The following PXN variants were observed in gnomAD, a reference collection of about 807,000 sequenced individuals.
PXN encodes testicular tissue protein Li 134.
A neutral mutation model predicts 103.6 loss-of-function variants in PXN; 61 were observed. The observed-to-expected ratio is 0.59, with a 90% CI of 0.48 to 0.73. The LOEUF (loss-of-function observed/expected upper bound fraction) is 0.73, where lower values mean the gene tolerates loss of function less well. Among genes scored for constraint, PXN ranks in the 30% least tolerant of loss-of-function variants. PXN has a pLI of 0.00. For synonymous variants in PXN, 562 were observed against 607.8 expected (o/e 0.92, Z 1.11); for missense variants, 1,274 against 1,460.3 (o/e 0.87, Z 2.08).
Position 120,210,869 on chromosome 12 carries a change from C to G in PXN, c.*1445G>C, listed in dbSNP as rs1880009369. 6.6e-6 allele frequency: 1 copy of G among 152,626 alleles called. No homozygotes were observed. The highest frequency in any genetic ancestry group is 1.5e-5 in the Non-Finnish European group (1 of 68,080). 9.5% of individuals were successfully genotyped at this position (152,626 alleles called of 1,614,324 possible). A position where few individuals can be genotyped will look rare whatever the true frequency, so the allele number is the denominator to read the frequency against. ...TGGTAAAGAGCTCTGGGGGGTTTCC[C>G]CAGAGGAGCCTGTCCCTCTGCCCCA... is the stretch of plus-strand genomic sequence containing the variant. On this transcript the variant is annotated 3_prime_UTR_variant, in exon 15 of 15. Coordinates refer to ENST00000637617, the MANE Select transcript of PXN (RefSeq NM_001385981.1).
rs1251118314 is a variant in PXN, at chr12:120,216,679, CTCTGCACCAA to C, written c.1993-108_1993-99del. On this transcript the variant is annotated intron_variant, in intron 8 of 14. Transcript: ENST00000637617. The surrounding 1 kb of genome is among the most constrained non-coding windows in gnomAD (Gnocchi z 5.1). The stretch of plus-strand genomic sequence containing the variant: ...CCCAGGCTCCCCCTGGGCCTTCCCA[CTCTGCACCAA>C]GAGTGGGGCCAGTCTTCCAAAGTCA... 2 of 1,587,660 alleles carry C rather than the reference CTCTGCACCAA, an allele frequency of 1.3e-6. No individual in the cohort carries two copies.
rs1886392008 is a variant in PXN at position 120,224,843 on chromosome 12, T to C, written c.14-466A>G. 3 of 421,192 alleles carry C rather than the reference T, an allele frequency of 7.1e-6. No individual in the cohort carries two copies. The highest frequency in any genetic ancestry group is 4.8e-6 in the Non-Finnish European group (1 of 206,748). 26.1% of individuals were successfully genotyped at this position (421,192 alleles called of 1,614,324 possible). A position where few individuals can be genotyped will look rare whatever the true frequency, so the allele number is the denominator to read the frequency against. ...AGCTTAGGCTTTCCCAGCCCCCGAC[T>C]GGAAGGGGCACTCAGGATGGTCCCT... On this transcript the variant is annotated intron_variant, in intron 1 of 14. Transcript: ENST00000637617. The surrounding 1 kb of genome is among the most constrained non-coding windows in gnomAD (Gnocchi z 5.0).
chr12:120,255,024 A>C (rs1892779731), intron 1 of PXN, among the ~76,000 whole-genome samples: 1 of 152,124 alleles, frequency 6.6e-6, no homozygotes, highest in Non-Finnish European at 1.5e-5. Context: ...GGAGTAGATG[A>C]GAAGGGAGAG....
chr12:120,265,713 C>G lies in PXN; in HGVS notation c.-84G>C. The G allele has an allele frequency of 1.6e-6, 2 of 1,224,520 alleles. No individual in the cohort carries two copies. The highest frequency in any genetic ancestry group is 2.1e-6 in the Non-Finnish European group (2 of 972,960). 75.9% of individuals were successfully genotyped at this position (1,224,520 alleles called of 1,614,324 possible). ...TCTATGCCCCGCAACTTTTCCGCCG[C>G]GAGCCTCGGCCCGGAACGGAACGCG... On this transcript the variant is annotated 5_prime_UTR_variant, in exon 1 of 15. Transcript: ENST00000637617. This position sits in a 1 kb window ranked among gnomAD's most constrained non-coding sequence, Gnocchi z 5.7.
At chr12:120,234,798 A>G (rs1347920827) in intron 1 of PXN, among the ~76,000 whole-genome samples, 1 of 152,198 alleles carries the variant, frequency 6.6e-6, no homozygotes, top group Non-Finnish European at 1.5e-5. Context: ...GGGATAAAAT[A>G]AACGTAAGCC....
chr12:120,216,855 GC>G lies in PXN; in HGVS notation c.1977del (p.Gln660SerfsTer3). 7 of 1,509,150 alleles carry G rather than the reference GC, an allele frequency of 4.6e-6. No individual in the cohort carries two copies. Among genetic ancestry groups the G allele is most frequent in the African/African-American group, 1.4e-5 (1 of 71,078 alleles). 93.5% of individuals were successfully genotyped at this position (1,509,150 alleles called of 1,614,324 possible). A position where few individuals can be genotyped will look rare whatever the true frequency, so the allele number is the denominator to read the frequency against. On this transcript the variant is annotated frameshift_variant, in exon 8 of 15. Coordinates refer to ENST00000637617, the MANE Select transcript of PXN (RefSeq NM_001385981.1). LOFTEE classifies it high-confidence loss of function. This position sits in a 1 kb window ranked among gnomAD's most constrained non-coding sequence, Gnocchi z 5.1. ...TVQPRGKRAG[G>X]QLVEKVVFPP... ...CTCCTCGCCACCTTCTCTACGAGCTGCCCCCCGGCCCGCTTCCCACGTGGCT... is the reference window on the plus strand; with the variant it reads ...CTCCTCGCCACCTTCTCTACGAGCTGCCCCCGGCCCGCTTCCCACGTGGCT...
intron 1 of PXN, among the ~76,000 whole-genome samples, chr12:120,257,964 G>A (rs376720555): frequency 6.6e-6 from 1 of 152,218 alleles, no homozygotes; most frequent in African/African-American, 2.4e-5. Context: ...AGGCCAAGGC[G>A]GGCGGATCAC....
chr12:120,223,888 GC>G (rs1886028413), intron 2 of PXN, 55 bp from the exon 3 acceptor site: 2 of 1,334,174 alleles, frequency 1.5e-6, no homozygotes, highest in Non-Finnish European at 2.1e-6. Flanking sequence ...AGGAACAGGG[GC>G]CAGGAGCAGC....
chr12:120,224,045 G>A lies in PXN; in HGVS notation c.240+106C>T, dbSNP rs1346053609. On this transcript the variant is annotated intron_variant, in intron 2 of 14. Coordinates refer to ENST00000637617, the MANE Select transcript of PXN (RefSeq NM_001385981.1). This position sits in a 1 kb window ranked among gnomAD's most constrained non-coding sequence, Gnocchi z 5.0. ...GAGCAGTGTCTGGTTGGGAAGGGTC[G>A]ACTGCCCCAATTCCATTCCATCCCC... 1 of 959,244 alleles carries A rather than the reference G, an allele frequency of 1.0e-6. No homozygotes were observed. Among genetic ancestry groups the A allele is most frequent in the Non-Finnish European group, 1.5e-6 (1 of 650,888 alleles). The allele number at this position is 959,244 out of a possible 1,614,324, so 59.4% of individuals were successfully genotyped here.
chr12:120,230,189 C>T (rs546952359), intron 1 of PXN, among the ~76,000 whole-genome samples: 2 of 152,340 alleles, frequency 1.3e-5, no homozygotes, highest in South Asian at 2.1e-4. Context: ...CAGCAAGCAC[C>T]GCCCTGAAAG....
At position 120,216,956 on chromosome 12, in the gene PXN, T is replaced by C; in HGVS notation, c.1877A>G (p.Glu626Gly). The change falls in exon 8 of 15, where the codon GAG (glutamate) becomes GGG (glycine). Residue 626 changes from glutamate to glycine, a missense_variant. Transcript: ENST00000637617. This position sits in a 1 kb window ranked among gnomAD's most constrained non-coding sequence, Gnocchi z 5.1. ...CGCCGCCTCCGCCGGCTCCTCTGCCTCAGGCTGGATGCCCAGCCGCCCCTG... is the reference window on the plus strand; with the variant it reads ...CGCCGCCTCCGCCGGCTCCTCTGCCCCAGGCTGGATGCCCAGCCGCCCCTG... The part of the protein sequence containing the change: ...ELQGRLGIQP[E>G]AEEPAEAAGP... 6.5e-7 allele frequency: 1 copy of C among 1,536,644 alleles called. No homozygotes were observed. The highest frequency in any genetic ancestry group is 8.7e-7 in the Non-Finnish European group (1 of 1,147,222).
chr12:120,226,158 G>C (rs1423148226), intron 1 of PXN: 1 of 1,200,562 alleles, frequency 8.3e-7, no homozygotes, highest in African/African-American at 1.6e-5. Context: ...CACACCTGCT[G>C]TCTTGGCTTC....
Position 120,214,710 on chromosome 12 carries a change from T to G in PXN, c.2748+115A>C. 7.3e-6 allele frequency: 10 copies of G among 1,367,664 alleles called. No homozygotes were observed. Among genetic ancestry groups the G allele is most frequent in the Non-Finnish European group, 9.1e-6 (9 of 990,448 alleles). The allele number at this position is 1,367,664 out of a possible 1,614,324, so 84.7% of individuals were successfully genotyped here. On this transcript the variant is annotated intron_variant, in intron 12 of 14. Transcript: ENST00000637617. This position sits in a 1 kb window ranked among gnomAD's most constrained non-coding sequence, Gnocchi z 5.0. The stretch of plus-strand genomic sequence containing the variant: ...CCGGCCCCACTGTTCCCTAGCCCTG[T>G]GAGCCTCGGGCATGTGACCTCTCTG...
Position 120,214,312 on chromosome 12 carries a change from C to A in PXN, c.2749-95G>T, listed in dbSNP as rs1322516429. Reference sequence around the variant, plus strand: ...CCGTCCTTCCACCCGCAGCTCATAGCCATAGACAGAGCAAAACACTCCCAA... The same window carrying A: ...CCGTCCTTCCACCCGCAGCTCATAGACATAGACAGAGCAAAACACTCCCAA... On this transcript the variant is annotated intron_variant, in intron 12 of 14. Transcript: ENST00000637617. This position sits in a 1 kb window ranked among gnomAD's most constrained non-coding sequence, Gnocchi z 5.0. The A allele has an allele frequency of 1.0e-5, 11 of 1,102,784 alleles. No homozygotes were observed. The Middle Eastern group carries it at 1.2e-3, about 120-fold the overall frequency. 68.3% of individuals were successfully genotyped at this position (1,102,784 alleles called of 1,614,324 possible).
At chr12:120,262,386 AACTATCAATT>A (rs1894011154) in intron 1 of PXN, among the ~76,000 whole-genome samples, 1 of 152,192 alleles carries the variant, frequency 6.6e-6, no homozygotes, top group Non-Finnish European at 1.5e-5. Context: ...TGTTAAAGGT[AACTATCAATT>A]ACTCAGCAGG....
intron 1 of PXN, among the ~76,000 whole-genome samples, chr12:120,252,929 C>T (rs1218378218): frequency 7.1e-6 from 1 of 140,668 alleles, no homozygotes; most frequent in Non-Finnish European, 1.5e-5. Context: ...ACCCAGGAGG[C>T]GGAGGTTGCA....
rs1033351105 is a variant in PXN at position 120,214,058 on chromosome 12, A to G, written c.2831-68T>C. The G allele has an allele frequency of 3.8e-6, 6 of 1,581,480 alleles. No individual in the cohort carries two copies. The highest frequency in any genetic ancestry group is 3.6e-5 in the Admixed American group (2 of 55,042). On this transcript the variant is annotated intron_variant, in intron 13 of 14. Transcript: ENST00000637617. The surrounding 1 kb of genome is among the most constrained non-coding windows in gnomAD (Gnocchi z 5.0). ...CAGAAGTGGAGCCACTCTGACTCCA[A>G]CCTCAGCAGCGTCTCCCACCCCCAC...
rs924962171 is a variant in PXN, at chr12:120,212,159, A to G, written c.*155T>C. The G allele has an allele frequency of 2.1e-5, 23 of 1,120,754 alleles. No homozygotes were observed. The African/African-American group carries it at 3.1e-4, about 15-fold the overall frequency. The allele number at this position is 1,120,754 out of a possible 1,614,324, so 69.4% of individuals were successfully genotyped here. ...GGCAGGGGTGAAGACAAGCAGGGGG[A>G]CCCCTCACGGCCCTCTGTCCATCCC... On this transcript the variant is annotated 3_prime_UTR_variant, in exon 15 of 15. Transcript: ENST00000637617. This position sits in a 1 kb window ranked among gnomAD's most constrained non-coding sequence, Gnocchi z 7.2.
chr12:120,261,354 C>A (rs1039074095), intron 1 of PXN, among the ~76,000 whole-genome samples: 4 of 152,112 alleles, frequency 2.6e-5, no homozygotes, highest in Non-Finnish European at 5.9e-5. Context: ...CCACGCCCAG[C>A]TAATTTTTGT....
Sources: gnomAD v4.1 joint callset for allele counts (sites outside exome capture counted in the v4.1 genomes callset) on GRCh38, gnomAD v4.1.1 for gene constraint, Gnocchi (gnomAD v3.1) non-coding constraint, MANE v1.5 for transcripts, NCBI Gene and HGNC (gene_info 2026-07-23, HGNC 2026-07-21) for gene names.